PLCH1: variants seen among roughly 807,000 people sequenced by gnomAD.
PLCH1 encodes the protein phospholipase C eta 1, also known as 1-phosphatidylinositol 4,5-bisphosphate phosphodiesterase eta-1.
A neutral mutation model predicts 126.7 loss-of-function variants in PLCH1; 60 were observed. The observed-to-expected ratio is 0.47, with a 90% CI of 0.38 to 0.59. The LOEUF is 0.59. Ranked by LOEUF, PLCH1 falls within the 20% of genes least tolerant of loss-of-function variation. PLCH1 has a pLI of 0.00. For missense variants in PLCH1, 1,723 were observed against 2,040.0 expected, an observed-to-expected ratio of 0.84 and a Z score of 2.99; for synonymous variants, 719 against 734.9, an observed-to-expected ratio of 0.98 and a Z score of 0.35.
chr3:155,646,885 C>G (rs115043096), intron 2 of PLCH1, among the ~76,000 whole-genome samples: 1 of 152,214 alleles, frequency 6.6e-6, no homozygotes, highest in Admixed American at 6.5e-5. Flanking sequence ...GCACAAGGAA[C>G]ATTACAATAC....
chr3:155,474,457 G>A (rs1560034453), intron 21 of PLCH1, among the ~76,000 whole-genome samples: 1 of 143,710 alleles, frequency 7.0e-6, no homozygotes, highest in Non-Finnish European at 1.5e-5. Context: ...GGAGAAATAG[G>A]AACACTTTTA....
intron 1 of PLCH1, among the ~76,000 whole-genome samples, chr3:155,741,539 A>C (rs933624006): frequency 1.3e-5 from 2 of 152,176 alleles, no homozygotes; most frequent in Admixed American, 6.5e-5. Flanking sequence ...CCTGGTCAAC[A>C]TTATGCCAGG....
Position 155,494,515 on chromosome 3 carries a change from T to C in PLCH1, c.1897A>G (p.Thr633Ala), listed in dbSNP as rs1560067205. The C allele has an allele frequency of 6.4e-7, 1 of 1,566,366 alleles. No homozygotes were observed. The highest frequency in any genetic ancestry group is 1.1e-5 in the South Asian group (1 of 88,908). ...CTGAATGATAACACATTTCCTGTGG[T>C]TCCTGGCAGTTTTTAATCGAGAAAA... ...VAAQDIVDDGTTGNVLSFSET... is the reference protein window; with the variant it reads ...VAAQDIVDDGATGNVLSFSET... The change falls in exon 16 of 23, where the codon ACC (threonine) becomes GCC (alanine). Residue 633 changes from threonine to alanine, a missense_variant and splice_region_variant. Thr to Ala is a moderately conservative substitution (Grantham distance 58). Around this residue, in one of 2 missense-constraint regions of PLCH1, gnomAD observed 776 missense variants for 1,062.9 expected, o/e 0.73. Transcript: ENST00000460012.
chr3:155,496,294 A>G (rs1260390230), intron 15 of PLCH1, among the ~76,000 whole-genome samples: 1 of 152,198 alleles, frequency 6.6e-6, no homozygotes, highest in Non-Finnish European at 1.5e-5. Flanking sequence ...TAAACCAAAT[A>G]TACCTTTAAC....
intron 2 of PLCH1, among the ~76,000 whole-genome samples, chr3:155,661,268 A>G (rs902697166): frequency 2.4e-4 from 36 of 152,296 alleles, no homozygotes; most frequent in African/African-American, 8.2e-4. Context: ...AGAGAGAGAG[A>G]GGTTGAACAG....
At chr3:155,452,488 G>A (rs1712334004) in intron 21 of PLCH1, among the ~76,000 whole-genome samples, 1 of 152,104 alleles carries the variant, frequency 6.6e-6, no homozygotes, top group Non-Finnish European at 1.5e-5. Context: ...GGGGCTTCTA[G>A]AATTGAGAGT....
intron 4 of PLCH1, among the ~76,000 whole-genome samples, chr3:155,586,989 A>G (rs1182486954): frequency 6.6e-6 from 1 of 152,208 alleles, no homozygotes; most frequent in African/African-American, 2.4e-5. Context: ...AGCAAACTCC[A>G]TAAACATAAA....
At chr3:155,744,358 G>C (rs575032448) in intron 1 of PLCH1, among the ~76,000 whole-genome samples, 3 of 152,200 alleles carry the variant, frequency 2.0e-5, no homozygotes, top group Non-Finnish European at 4.4e-5. Context: ...GAGGTCCTGA[G>C]CAGGGTCACC....
chr3:155,488,437 T>A lies in PLCH1; in HGVS notation c.2539+223A>T, dbSNP rs561654562. Reference sequence around the variant, plus strand: ...GTCTCGAACTCCTGACCTTAGGTGATCCTCCCACCTCGGCCTCCCAGAGTG... The same window carrying A: ...GTCTCGAACTCCTGACCTTAGGTGAACCTCCCACCTCGGCCTCCCAGAGTG... On this transcript the variant is annotated intron_variant, in intron 20 of 22. Transcript: ENST00000460012. 4.6e-5 allele frequency among the ~76,000 whole-genome samples: 7 copies of A among 152,256 alleles called. No homozygotes were observed. The East Asian group carries it at 1.4e-3, about 29-fold the overall frequency.
In PLCH1 at chr3:155,480,147, T is replaced by C. The variant is rs1713790897; in HGVS notation, c.*821A>G. The C allele has an allele frequency of 6.6e-6, 1 of 152,660 alleles. No homozygotes were observed. Among genetic ancestry groups the C allele is most frequent in the Non-Finnish European group, 1.5e-5 (1 of 68,044 alleles). 9.5% of individuals were successfully genotyped at this position (152,660 alleles called of 1,614,324 possible). A position where few individuals can be genotyped will look rare whatever the true frequency, so the allele number is the denominator to read the frequency against. On this transcript the variant is annotated 3_prime_UTR_variant, in exon 23 of 23. Coordinates refer to ENST00000460012, the MANE Select transcript of PLCH1 (RefSeq NM_014996.4). ...TGGGGAAGTTTTCAATTTGTGCTAC[T>C]ATTATCATTAGAGTCTGATGGAAGT...
intron 1 of PLCH1, among the ~76,000 whole-genome samples, chr3:155,723,689 C>T (rs1343925853): frequency 1.3e-5 from 2 of 152,202 alleles, no homozygotes; most frequent in East Asian, 3.9e-4. Context: ...AGCATGGTGG[C>T]TCATGCTTAA....
chr3:155,583,723 A>G, intron 5 of PLCH1, 81 bp from the exon 6 acceptor site: 1 of 971,626 alleles, frequency 1.0e-6, no homozygotes, highest in Non-Finnish European at 1.5e-6. Flanking sequence ...ATTTACTATA[A>G]AAGAGCTAGT....
At chr3:155,515,190 G>A (rs1033850703) in intron 11 of PLCH1, among the ~76,000 whole-genome samples, 1 of 152,180 alleles carries the variant, frequency 6.6e-6, no homozygotes, top group Non-Finnish European at 1.5e-5. Context: ...GATGCTTAGA[G>A]AGAAATCAAG....
At chr3:155,582,075 CTTTTTTT>C (rs869254665) in intron 6 of PLCH1, among the ~76,000 whole-genome samples, 2 of 64,124 alleles carry the variant, frequency 3.1e-5, no homozygotes, top group South Asian at 7.4e-4. Flanking sequence ...TCTTTTCTTT[CTTTTTTT>C]TTTTTTTTTT....
chr3:155,523,041 C>T (rs540052576), intron 11 of PLCH1, among the ~76,000 whole-genome samples: 368 of 152,158 alleles, frequency 2.4e-3, no homozygotes, highest in African/African-American at 8.4e-3. Context: ...GTGGCGCGAT[C>T]TCGGCTCACT....
intron 10 of PLCH1, among the ~76,000 whole-genome samples, chr3:155,541,187 A>G (rs1352489835): frequency 1.3e-5 from 2 of 152,174 alleles, no homozygotes; most frequent in African/African-American, 4.8e-5. Flanking sequence ...CTAAGCTATG[A>G]GGGCACAAAG....
chr3:155,714,734 A>G (rs1747384081), intron 1 of PLCH1, among the ~76,000 whole-genome samples: 1 of 152,166 alleles, frequency 6.6e-6, no homozygotes, highest in Non-Finnish European at 1.5e-5. Context: ...AGAGTATATA[A>G]TATGTATCCA....
intron 12 of PLCH1, among the ~76,000 whole-genome samples, chr3:155,505,067 A>G (rs1043105126): frequency 7.2e-5 from 11 of 152,260 alleles, no homozygotes; most frequent in Non-Finnish European, 1.5e-4. Flanking sequence ...TCTATTGAAT[A>G]AAGAAAGTGG....
intron 21 of PLCH1, among the ~76,000 whole-genome samples, chr3:155,456,348 A>C (rs974269406): frequency 1.3e-5 from 2 of 152,030 alleles, no homozygotes; most frequent in African/African-American, 2.4e-5. Flanking sequence ...AAAAAAAAAA[A>C]AAAATCTCAT....
Sources: allele counts gnomAD v4.1 joint callset (sites outside exome capture counted in the v4.1 genomes callset), GRCh38; gene constraint gnomAD v4.1.1; regional missense constraint gnomAD v4.1.1; transcripts MANE v1.5; gene names NCBI Gene and HGNC (gene_info 2026-07-23, HGNC 2026-07-21).